The following PGP variants were observed in gnomAD, a reference collection of about 807,000 sequenced individuals.
The protein encoded by PGP is phosphoglycolate phosphatase.
PGP carries 9 observed loss-of-function variants against 19.3 expected under a neutral mutation model. That is an observed-to-expected ratio of 0.47 (90% CI 0.28 to 0.81). The LOEUF (loss-of-function observed/expected upper bound fraction) is 0.81, where lower values mean the gene tolerates loss of function less well. PGP is among the 40% of genes least tolerant of loss of function. The pLI is 0.11. For missense variants in PGP, 403 were observed against 479.9 expected, an observed-to-expected ratio of 0.84 and a Z score of 1.50; for synonymous variants, 308 against 226.8, an observed-to-expected ratio of 1.36 and a Z score of -3.22.
In PGP at chr16:2,213,620, C is replaced by G; in HGVS notation, c.*108G>C. ...ATGCCTTTGCTTAACTCCAATTACA[C>G]TCTTTGAAGCCACTTAGCCGAGCAG... On this transcript the variant is annotated 3_prime_UTR_variant, in exon 2 of 2. Transcript: ENST00000333503. The G allele has an allele frequency of 9.0e-7, 1 of 1,112,038 alleles. No homozygotes were observed. Among genetic ancestry groups the G allele is most frequent in the East Asian group, 2.7e-5 (1 of 37,046 alleles). 68.9% of individuals were successfully genotyped at this position (1,112,038 alleles called of 1,614,324 possible). A position where few individuals can be genotyped will look rare whatever the true frequency, so the allele number is the denominator to read the frequency against.
In PGP at chr16:2,214,221, C is replaced by T. The variant is rs1267593000; in HGVS notation, c.557G>A (p.Arg186His). Residue 186 changes from arginine to histidine, a missense_variant, in exon 1 of 2, where the codon CGC becomes CAC. Physicochemically the swap from Arg to His is conservative, Grantham distance 29. Coordinates refer to ENST00000333503, the MANE Select transcript of PGP (RefSeq NM_001042371.3). This position sits in a 1 kb window ranked among gnomAD's most constrained non-coding sequence, Gnocchi z 7.1. ...CAGGCAGCCGGGCTGCTGCAGGTAG[C>T]GCAGGGCCTTGGTGAGCTTCATGTA... ...FSYMKLTKAL[R>H]YLQQPGCLLV... 1 of 1,595,050 alleles carries T rather than the reference C, an allele frequency of 6.3e-7. No individual in the cohort carries two copies. Among genetic ancestry groups the T allele is most frequent in the Admixed American group, 1.7e-5 (1 of 59,764 alleles).
rs199523547 is a variant in PGP at position 2,213,547 on chromosome 16, T to C, written c.*181A>G. 147 of 690,536 alleles carry C rather than the reference T, an allele frequency of 2.1e-4. No individual in the cohort carries two copies. The African/African-American group carries it at 2.6e-3, about 12-fold the overall frequency. The allele number at this position is 690,536 out of a possible 1,614,324, so 42.8% of individuals were successfully genotyped here. A position where few individuals can be genotyped will look rare whatever the true frequency, so the allele number is the denominator to read the frequency against. On this transcript the variant is annotated 3_prime_UTR_variant, in exon 2 of 2. Transcript: ENST00000333503. ...AAGTGCATCTTCGATTACAAGCATC[T>C]GTAAACAAAATCGTCCCCCAAACGT... is the stretch of plus-strand genomic sequence containing the variant.
rs200067200 is a variant in PGP, at chr16:2,213,832, C to T, written c.862G>A (p.Asp288Asn). 3.7e-6 allele frequency: 6 copies of T among 1,611,058 alleles called. No individual in the cohort carries two copies. The highest frequency in any genetic ancestry group is 3.3e-5 in the Admixed American group (2 of 59,928). The stretch of plus-strand genomic sequence containing the variant: ...TCACTTTCCTGATTATTCTTCACAT[C>T]CCCTAGAGTGGAGACTCCGGTGAGG... Reference protein sequence around the residue: ...LTLTGVSTLGDVKNNQESDCV... With the variant: ...LTLTGVSTLGNVKNNQESDCV... Residue 288 changes from aspartate to asparagine, a missense_variant, in exon 2 of 2, where the codon GAT becomes AAT. Transcript: ENST00000333503.
At position 2,213,011 on chromosome 16, in the gene PGP, C is replaced by T. The variant is rs1180597431; in HGVS notation, c.*717G>A. On this transcript the variant is annotated 3_prime_UTR_variant, in exon 2 of 2. Transcript: ENST00000333503. ...GCCATGGTAGCTGCTCCGTCCAAAT[C>T]ACCTGGGTATAAATGCACACTTGAG... The T allele has an allele frequency of 2.0e-6, 2 of 985,438 alleles. No homozygotes were observed. The highest frequency in any genetic ancestry group is 2.4e-6 in the Non-Finnish European group (2 of 829,980). 61.0% of individuals were successfully genotyped at this position (985,438 alleles called of 1,614,324 possible). A position where few individuals can be genotyped will look rare whatever the true frequency, so the allele number is the denominator to read the frequency against.
Position 2,212,091 on chromosome 16 carries a change from C to G in PGP, c.*1637G>C, listed in dbSNP as rs1451497544. ...TGCACGGGGACTCCCAGCCCCTACCCGGCAAGAGAGGCATCACTGAGGCTG... is the reference window on the plus strand; with the variant it reads ...TGCACGGGGACTCCCAGCCCCTACCGGGCAAGAGAGGCATCACTGAGGCTG... On this transcript the variant is annotated 3_prime_UTR_variant, in exon 2 of 2. Transcript: ENST00000333503. 1.0e-6 allele frequency: 1 copy of G among 985,416 alleles called. No individual in the cohort carries two copies. Among genetic ancestry groups the G allele is most frequent in the South Asian group, 4.7e-5 (1 of 21,298 alleles). 61.0% of individuals were successfully genotyped at this position (985,416 alleles called of 1,614,324 possible).
rs751276801 is a variant in PGP at position 2,214,702 on chromosome 16, C to T, written c.76G>A (p.Ala26Thr). 3 of 1,395,206 alleles carry T rather than the reference C, an allele frequency of 2.2e-6. No homozygotes were observed. The highest frequency in any genetic ancestry group is 2.9e-5 in the South Asian group (2 of 68,838). The allele number at this position is 1,395,206 out of a possible 1,614,324, so 86.4% of individuals were successfully genotyped here. ...LSAERAQALLADVDTLLFDCD... is the reference protein window; with the variant it reads ...LSAERAQALLTDVDTLLFDCD... ...TCGAACAGCAGCGTGTCCACGTCGG[C>T]CAGCAGCGCCTGTGCCCGCTCGGCG... The change falls in exon 1 of 2, where the codon GCC becomes ACC. Residue 26 changes from alanine (A) to threonine (T), a missense_variant. Coordinates refer to ENST00000333503, the MANE Select transcript of PGP (RefSeq NM_001042371.3). The surrounding 1 kb of genome is among the most constrained non-coding windows in gnomAD (Gnocchi z 7.1).
In PGP at chr16:2,212,964, G is replaced by A. The variant is rs999391423; in HGVS notation, c.*764C>T. On this transcript the variant is annotated 3_prime_UTR_variant, in exon 2 of 2. Coordinates refer to ENST00000333503, the MANE Select transcript of PGP (RefSeq NM_001042371.3). ...CTCTGAGCTCCCTGCACTGCAGCCC[G>A]GAGTTCAGTGAAGGCGTCCACGCCA... 2.1e-5 allele frequency: 21 copies of A among 985,356 alleles called. No individual in the cohort carries two copies. Among genetic ancestry groups the A allele is most frequent in the Middle Eastern group, 5.2e-4 (1 of 1,938 alleles). 61.0% of individuals were successfully genotyped at this position (985,356 alleles called of 1,614,324 possible).
Position 2,212,967 on chromosome 16 carries a change from G to T in PGP, c.*761C>A, listed in dbSNP as rs1182084927. The stretch of plus-strand genomic sequence containing the variant: ...TGAGCTCCCTGCACTGCAGCCCGGA[G>T]TTCAGTGAAGGCGTCCACGCCATGG... On this transcript the variant is annotated 3_prime_UTR_variant, in exon 2 of 2. Coordinates refer to ENST00000333503, the MANE Select transcript of PGP (RefSeq NM_001042371.3). 1.0e-6 allele frequency: 1 copy of T among 985,414 alleles called. No individual in the cohort carries two copies. The highest frequency in any genetic ancestry group is 1.2e-6 in the Non-Finnish European group (1 of 829,954). The allele number at this position is 985,414 out of a possible 1,614,324, so 61.0% of individuals were successfully genotyped here. A position where few individuals can be genotyped will look rare whatever the true frequency, so the allele number is the denominator to read the frequency against.
In PGP at chr16:2,214,447, G is replaced by A. The variant is rs1425661321; in HGVS notation, c.331C>T (p.Gln111Ter). 1 of 1,337,664 alleles carries A rather than the reference G, an allele frequency of 7.5e-7. No homozygotes were observed. Among genetic ancestry groups the A allele is most frequent in the Admixed American group, 4.1e-5 (1 of 24,328 alleles). 82.9% of individuals were successfully genotyped at this position (1,337,664 alleles called of 1,614,324 possible). The change falls in exon 1 of 2, where the codon CAG (glutamine) becomes TAG (stop). Residue 111 changes from glutamine (Q) to a stop codon, truncating the protein, a stop_gained. Coordinates refer to ENST00000333503, the MANE Select transcript of PGP (RefSeq NM_001042371.3). LOFTEE classifies it high-confidence loss of function. The surrounding 1 kb of genome is among the most constrained non-coding windows in gnomAD (Gnocchi z 7.1). Reference protein sequence around the residue: ...TAYCTALYLRQRLAGAPAPKA... With the variant: ...TAYCTALYLR ...GGCGCGGGGGCGCCGGCCAGGCGCT[G>A]GCGCAGGTAGAGCGCGGTGCAGTAG... is the stretch of plus-strand genomic sequence containing the variant.
Position 2,214,453 on chromosome 16 carries a change from G to A in PGP, c.325C>T (p.Leu109=), listed in dbSNP as rs1167717353. Residue 109 remains leucine (L), a synonymous_variant, in exon 1 of 2, where the codon CTG becomes TTG. Transcript: ENST00000333503. The surrounding 1 kb of genome is among the most constrained non-coding windows in gnomAD (Gnocchi z 7.1). ...FGTAYCTALY[L]RQRLAGAPAP... is the part of the protein sequence containing the mutation. Reference sequence around the variant, plus strand: ...GGGGCGCCGGCCAGGCGCTGGCGCAGGTAGAGCGCGGTGCAGTAGGCCGTG... The same window carrying A: ...GGGGCGCCGGCCAGGCGCTGGCGCAAGTAGAGCGCGGTGCAGTAGGCCGTG... 42 of 1,342,222 alleles carry A rather than the reference G, an allele frequency of 3.1e-5. No individual in the cohort carries two copies. Among genetic ancestry groups the A allele is most frequent in the South Asian group, 1.7e-4 (9 of 51,526 alleles). 83.1% of individuals were successfully genotyped at this position (1,342,222 alleles called of 1,614,324 possible). A position where few individuals can be genotyped will look rare whatever the true frequency, so the allele number is the denominator to read the frequency against.
Position 2,212,431 on chromosome 16 carries a change from GTC to G in PGP, c.*1295_*1296del. ...CAGCATCCCGGGATGGCCCTGCTGA[GTC>G]TGCTGTCAGGCCTGTGAAAGGTCAG... On this transcript the variant is annotated 3_prime_UTR_variant, in exon 2 of 2. Transcript: ENST00000333503. The G allele has an allele frequency of 1.0e-6, 1 of 985,802 alleles. No homozygotes were observed. The allele number at this position is 985,802 out of a possible 1,614,324, so 61.1% of individuals were successfully genotyped here.
At position 2,212,197 on chromosome 16, in the gene PGP, T is replaced by C. The variant is rs1210656802; in HGVS notation, c.*1531A>G. ...GCCAACTTAGCCAAGCCAGCGTCAG[T>C]GTCACCAGCCTCATGGGTGGAGCCA... On this transcript the variant is annotated 3_prime_UTR_variant, in exon 2 of 2. Transcript: ENST00000333503. 1 of 985,768 alleles carries C rather than the reference T, an allele frequency of 1.0e-6. No homozygotes were observed. The highest frequency in any genetic ancestry group is 1.2e-6 in the Non-Finnish European group (1 of 829,996). The allele number at this position is 985,768 out of a possible 1,614,324, so 61.1% of individuals were successfully genotyped here. A position where few individuals can be genotyped will look rare whatever the true frequency, so the allele number is the denominator to read the frequency against.
At position 2,212,573 on chromosome 16, in the gene PGP, C is replaced by T. The variant is rs1227203798; in HGVS notation, c.*1155G>A. The T allele has an allele frequency of 1.5e-5, 15 of 985,376 alleles. No homozygotes were observed. The highest frequency in any genetic ancestry group is 1.8e-5 in the Non-Finnish European group (15 of 829,940). The allele number at this position is 985,376 out of a possible 1,614,324, so 61.0% of individuals were successfully genotyped here. ...AGGGAATCCAGGGCAAGGCAGGTGA[C>T]CTCCTGGGCCACCAGTCTCTAACCC... On this transcript the variant is annotated 3_prime_UTR_variant, in exon 2 of 2. Transcript: ENST00000333503.
At position 2,213,216 on chromosome 16, in the gene PGP, C is replaced by T. The variant is rs2093379814; in HGVS notation, c.*512G>A. ...GGGAGATGCCACCTGGGAGCAGCCG[C>T]CTCCTCCACTCCCACCCTGCTGGGA... On this transcript the variant is annotated 3_prime_UTR_variant, in exon 2 of 2. Coordinates refer to ENST00000333503, the MANE Select transcript of PGP (RefSeq NM_001042371.3). 2 of 985,754 alleles carry T rather than the reference C, an allele frequency of 2.0e-6. No individual in the cohort carries two copies. The highest frequency in any genetic ancestry group is 2.4e-6 in the Non-Finnish European group (2 of 830,070). 61.1% of individuals were successfully genotyped at this position (985,754 alleles called of 1,614,324 possible).
rs2093379246 is a variant in PGP, at chr16:2,213,025, T to C, written c.*703A>G. ...TCCGTCCAAATCACCTGGGTATAAA[T>C]GCACACTTGAGACAGCAGAGCTTTA... is the stretch of plus-strand genomic sequence containing the variant. On this transcript the variant is annotated 3_prime_UTR_variant, in exon 2 of 2. Transcript: ENST00000333503. 2 of 985,530 alleles carry C rather than the reference T, an allele frequency of 2.0e-6. No individual in the cohort carries two copies. Among genetic ancestry groups the C allele is most frequent in the African/African-American group, 1.7e-5 (1 of 57,380 alleles). 61.0% of individuals were successfully genotyped at this position (985,530 alleles called of 1,614,324 possible).
chr16:2,214,040 C>G lies in PGP; in HGVS notation c.654G>C (p.Leu218=), dbSNP rs1487806106. Residue 218 remains leucine, a synonymous_variant, in exon 2 of 2, where the codon CTG becomes CTC. Transcript: ENST00000333503. The surrounding 1 kb of genome is among the most constrained non-coding windows in gnomAD (Gnocchi z 7.1). Reference sequence around the variant, plus strand: ...GGGCGGCCATCTCCACGGCTCGGACCAGACACCCGGTACCTGCGGGGCACA... The same window carrying G: ...GGGCGGCCATCTCCACGGCTCGGACGAGACACCCGGTACCTGCGGGGCACA... ...NGRFIAGTGC[L]VRAVEMAAQR... 6.3e-7 allele frequency: 1 copy of G among 1,599,694 alleles called. No homozygotes were observed. The highest frequency in any genetic ancestry group is 1.1e-5 in the South Asian group (1 of 89,590).
chr16:2,212,631 G>A lies in PGP; in HGVS notation c.*1097C>T, dbSNP rs2093378296. Reference sequence around the variant, plus strand: ...AGCCTAGGGAAGGGGAGGACAGGAAGAGACTGGATGCTTTGTAAAGGACTT... The same window carrying A: ...AGCCTAGGGAAGGGGAGGACAGGAAAAGACTGGATGCTTTGTAAAGGACTT... On this transcript the variant is annotated 3_prime_UTR_variant, in exon 2 of 2. Transcript: ENST00000333503. 1 of 985,516 alleles carries A rather than the reference G, an allele frequency of 1.0e-6. No individual in the cohort carries two copies. The highest frequency in any genetic ancestry group is 1.2e-6 in the Non-Finnish European group (1 of 829,950). 61.0% of individuals were successfully genotyped at this position (985,516 alleles called of 1,614,324 possible). A position where few individuals can be genotyped will look rare whatever the true frequency, so the allele number is the denominator to read the frequency against.
rs1214500252 is a variant in PGP, at chr16:2,212,724, C to T, written c.*1004G>A. 5.1e-6 allele frequency: 5 copies of T among 985,476 alleles called. No homozygotes were observed. The Admixed American group carries it at 2.5e-4, about 48-fold the overall frequency. 61.0% of individuals were successfully genotyped at this position (985,476 alleles called of 1,614,324 possible). Reference sequence around the variant, plus strand: ...GGATGACTGACAGGCATTCCTTGGCCAACACATGCTTGAGCCGCGCTGCTG... The same window carrying T: ...GGATGACTGACAGGCATTCCTTGGCTAACACATGCTTGAGCCGCGCTGCTG... On this transcript the variant is annotated 3_prime_UTR_variant, in exon 2 of 2. Transcript: ENST00000333503.
rs2093379246 is a variant in PGP at position 2,213,025 on chromosome 16, T to G, written c.*703A>C. On this transcript the variant is annotated 3_prime_UTR_variant, in exon 2 of 2. Transcript: ENST00000333503. ...TCCGTCCAAATCACCTGGGTATAAATGCACACTTGAGACAGCAGAGCTTTA... is the reference window on the plus strand; with the variant it reads ...TCCGTCCAAATCACCTGGGTATAAAGGCACACTTGAGACAGCAGAGCTTTA... 5.1e-6 allele frequency: 5 copies of G among 985,412 alleles called. No homozygotes were observed. The highest frequency in any genetic ancestry group is 1.2e-6 in the Non-Finnish European group (1 of 829,972). The allele number at this position is 985,412 out of a possible 1,614,324, so 61.0% of individuals were successfully genotyped here.
Sources: allele counts gnomAD v4.1 joint callset, GRCh38; gene constraint gnomAD v4.1.1; non-coding constraint Gnocchi (gnomAD v3.1); transcripts MANE v1.5; gene names NCBI Gene and HGNC (gene_info 2026-07-23, HGNC 2026-07-21).